SAMMSON: variants seen among roughly 807,000 people sequenced by gnomAD.
The protein encoded by SAMMSON is survival associated mitochondrial melanoma specific oncogenic non-coding RNA.
intron 7 of SAMMSON, among the ~76,000 whole-genome samples, chr3:70,342,507 A>C (rs183217500): frequency 6.6e-6 from 1 of 152,100 alleles, no homozygotes; most frequent in Non-Finnish European, 1.5e-5. Flanking sequence ...ATTCCAAAGT[A>C]TTTGTCTTAG....
intron 9 of SAMMSON, chr3:70,389,476 C>T (rs1433360359): frequency 6.6e-6 from 1 of 152,048 alleles, no homozygotes; most frequent in Non-Finnish European, 1.5e-5. Context: ...ACCTCTTTAT[C>T]TTCATTAATC....
At chr3:70,388,311 G>A (rs1701000682) in intron 9 of SAMMSON, among the ~76,000 whole-genome samples, 1 of 152,020 alleles carries the variant, frequency 6.6e-6, no homozygotes, top group South Asian at 2.1e-4. Flanking sequence ...AAATAATAAA[G>A]TCGAGTGATT....
chr3:70,399,604 G>A (rs1225054585), intron 2 of SAMMSON, among the ~76,000 whole-genome samples: 1 of 152,068 alleles, frequency 6.6e-6, no homozygotes, highest in Non-Finnish European at 1.5e-5. Context: ...GGTGGCTCAT[G>A]CCTGTAAGCC....
chr3:70,144,929 G>A (rs752904822), intron 4 of SAMMSON, among the ~76,000 whole-genome samples: 21 of 152,076 alleles, frequency 1.4e-4, no homozygotes, highest in Non-Finnish European at 1.6e-4. Context: ...GTCTTTATCA[G>A]CAGTATGAAA....
intron 4 of SAMMSON, among the ~76,000 whole-genome samples, chr3:70,082,503 G>A (rs188604461): frequency 6.6e-6 from 1 of 152,234 alleles, no homozygotes; most frequent in African/African-American, 2.4e-5. Flanking sequence ...ATTATTGCCG[G>A]TAAATTCTCA....
At chr3:70,153,849 T>G (rs140884534) in intron 4 of SAMMSON, among the ~76,000 whole-genome samples, 4 of 152,084 alleles carry the variant, frequency 2.6e-5, no homozygotes, top group African/African-American at 7.2e-5. Context: ...CTGAACTCAT[T>G]GAACAATAAC....
chr3:70,148,384 T>A (rs928557818), intron 4 of SAMMSON, among the ~76,000 whole-genome samples: 32 of 152,172 alleles, frequency 2.1e-4, no homozygotes, highest in Non-Finnish European at 4.4e-5. Flanking sequence ...TTGTTTCTTA[T>A]TCTTGCAGAT....
chr3:70,139,877 A>T (rs1449142534), intron 4 of SAMMSON, among the ~76,000 whole-genome samples: 1 of 152,178 alleles, frequency 6.6e-6, no homozygotes, highest in Non-Finnish European at 1.5e-5. Context: ...CCTGATGAAT[A>T]GCACCTGGCT....
chr3:70,076,915 C>A (rs1439231532), intron 4 of SAMMSON, among the ~76,000 whole-genome samples: 1 of 152,094 alleles, frequency 6.6e-6, no homozygotes, highest in Non-Finnish European at 1.5e-5. Context: ...AAAAATTATA[C>A]ATTTTACAAA....
At chr3:70,398,342 T>A (rs975311109) in intron 2 of SAMMSON, among the ~76,000 whole-genome samples, 1 of 152,214 alleles carries the variant, frequency 6.6e-6, no homozygotes, top group African/African-American at 2.4e-5. Context: ...TCATCCAAAA[T>A]GGATTCAAAA....
At chr3:70,077,620 A>G (rs2067253601) in intron 4 of SAMMSON, among the ~76,000 whole-genome samples, 1 of 152,190 alleles carries the variant, frequency 6.6e-6, no homozygotes, top group Non-Finnish European at 1.5e-5. Flanking sequence ...TATAGATCCT[A>G]TATCAGAATA....
At chr3:70,271,356 T>G (rs2106671803) in intron 6 of SAMMSON, among the ~76,000 whole-genome samples, 1 of 152,238 alleles carries the variant, frequency 6.6e-6, no homozygotes, top group South Asian at 2.1e-4. Flanking sequence ...GCTACTCACC[T>G]CCATTGGTGA....
chr3:70,290,270 C>T (rs1702219397), intron 6 of SAMMSON, among the ~76,000 whole-genome samples: 1 of 152,092 alleles, frequency 6.6e-6, no homozygotes, highest in African/African-American at 2.4e-5. Flanking sequence ...GTTAGTTTTC[C>T]TTCTAACAGA....
chr3:70,365,049 C>A (rs1387747445), intron 9 of SAMMSON, among the ~76,000 whole-genome samples: 1 of 151,608 alleles, frequency 6.6e-6, no homozygotes, highest in Non-Finnish European at 1.5e-5. Flanking sequence ...TATTAAGGTT[C>A]ATTCTTTATG....
chr3:70,049,679 T>C lies in SAMMSON; in HGVS notation n.418-21797T>C, dbSNP rs886472465. Among the ~76,000 whole-genome samples, 17 of 152,136 alleles carry C rather than the reference T, an allele frequency of 1.1e-4. No individual in the cohort carries two copies. The East Asian group carries it at 2.7e-3, about 24-fold the overall frequency. On this transcript the variant is annotated intron_variant and non_coding_transcript_variant, in intron 3 of 9. Transcript: ENST00000642114. ...ATCATCACCATCATCATCATCATTA[T>C]CATTATAATTCTTTTAGAAATAATT... is the stretch of plus-strand genomic sequence containing the variant.
intron 6 of SAMMSON, among the ~76,000 whole-genome samples, chr3:70,250,121 A>AT (rs1346527482): frequency 3.3e-5 from 5 of 152,040 alleles, no homozygotes; most frequent in Non-Finnish European, 7.4e-5. Flanking sequence ...AAGCCAGGGG[A>AT]TTTTTTAGCC....
chr3:70,420,284 T>C (rs1265772410), intron 2 of SAMMSON, among the ~76,000 whole-genome samples: 1 of 152,182 alleles, frequency 6.6e-6, no homozygotes, highest in African/African-American at 2.4e-5. Flanking sequence ...AGGAAAATCA[T>C]ACATGTAGTT....
intron 4 of SAMMSON, among the ~76,000 whole-genome samples, chr3:70,124,771 T>C (rs2067448810): frequency 8.1e-6 from 1 of 124,130 alleles, no homozygotes; most frequent in Non-Finnish European, 1.6e-5. Flanking sequence ...GTCAAGATCG[T>C]GCCAGTGCAC....
chr3:70,356,556 T>G (rs1702830684), intron 8 of SAMMSON, among the ~76,000 whole-genome samples: 1 of 152,202 alleles, frequency 6.6e-6, no homozygotes, highest in African/African-American at 2.4e-5. Flanking sequence ...CAAGATCCAC[T>G]GAGAGATGTC....
Sources: allele counts gnomAD v4.1 joint callset (sites outside exome capture counted in the v4.1 genomes callset), GRCh38; gene constraint gnomAD v4.1.1; transcripts MANE v1.5; gene names NCBI Gene and HGNC (gene_info 2026-07-23, HGNC 2026-07-21).